Variants in AGBL4 observed in about 807,000 individuals in gnomAD.
The protein encoded by AGBL4 is cytosolic carboxypeptidase 6.
In AGBL4, 58 loss-of-function variants were observed where a neutral mutation model predicts 66.4. That is an observed-to-expected ratio of 0.87 (90% CI 0.71 to 1.09). The LOEUF is 1.09. AGBL4 is among the 50% of genes least tolerant of loss of function. The pLI is 0.00. For synonymous variants in AGBL4, 234 were observed against 222.9 expected, an observed-to-expected ratio of 1.05 and a Z score of -0.44; for missense variants, 579 against 631.0, an observed-to-expected ratio of 0.92 and a Z score of 0.88.
At chr1:49,979,409 C>T (rs1306429105) in intron 1 of AGBL4, among the ~76,000 whole-genome samples, 1 of 150,190 alleles carries the variant, frequency 6.7e-6, no homozygotes, top group Admixed American at 6.6e-5. Flanking sequence ...TGCAGTGAGC[C>T]GAGATTGCGC....
At chr1:48,720,861 T>C (rs567283752) in intron 6 of AGBL4, among the ~76,000 whole-genome samples, 3 of 151,958 alleles carry the variant, frequency 2.0e-5, no homozygotes, top group South Asian at 2.1e-4. Flanking sequence ...TGGAAGAAGA[T>C]TTGGAAAACT....
chr1:48,660,618 G>C (rs890892384), intron 7 of AGBL4, among the ~76,000 whole-genome samples: 2 of 152,196 alleles, frequency 1.3e-5, no homozygotes, highest in Non-Finnish European at 2.9e-5. Flanking sequence ...TTGGTAAAGT[G>C]GGGTAATGAT....
intron 1 of AGBL4, among the ~76,000 whole-genome samples, chr1:49,902,523 C>T (rs1649860447): frequency 6.6e-6 from 1 of 151,930 alleles, no homozygotes; most frequent in Non-Finnish European, 1.5e-5. Context: ...CCAAGATGGG[C>T]AGATCACGAG....
chr1:48,919,323 C>T (rs1352992211), intron 5 of AGBL4, among the ~76,000 whole-genome samples: 2 of 152,132 alleles, frequency 1.3e-5, no homozygotes, highest in Non-Finnish European at 2.9e-5. Flanking sequence ...TTGAAAATCA[C>T]TAATCTATTT....
intron 3 of AGBL4, among the ~76,000 whole-genome samples, chr1:49,553,154 TTCAG>T (rs1471376140): frequency 6.6e-6 from 1 of 152,242 alleles, no homozygotes; most frequent in African/African-American, 2.4e-5. Flanking sequence ...AATTAGAATA[TTCAG>T]TCAGGCAGGC....
chr1:48,548,343 G>A (rs918451677), intron 11 of AGBL4, among the ~76,000 whole-genome samples: 1 of 152,014 alleles, frequency 6.6e-6, no homozygotes, highest in Non-Finnish European at 1.5e-5. Flanking sequence ...GCACCAAAGC[G>A]GAGTTAATCC....
chr1:48,747,741 ATTC>A (rs1264810852), intron 6 of AGBL4, among the ~76,000 whole-genome samples: 13 of 152,138 alleles, frequency 8.5e-5, no homozygotes, highest in Admixed American at 5.2e-4. Flanking sequence ...ACCATTTTCT[ATTC>A]TTGTTGTATC....
At chr1:49,899,972 G>A (rs1320641521) in intron 1 of AGBL4, among the ~76,000 whole-genome samples, 1 of 151,760 alleles carries the variant, frequency 6.6e-6, no homozygotes, top group Non-Finnish European at 1.5e-5. Flanking sequence ...AACCCAGGAG[G>A]CAGAGGTTGT....
chr1:48,737,597 C>T (rs1003544529), intron 6 of AGBL4, among the ~76,000 whole-genome samples: 2 of 152,138 alleles, frequency 1.3e-5, no homozygotes, highest in Admixed American at 1.3e-4. Context: ...AGTTTGATTC[C>T]GACGGCACAA....
At chr1:49,021,336 T>C (rs917778036) in intron 5 of AGBL4, among the ~76,000 whole-genome samples, 1 of 152,184 alleles carries the variant, frequency 6.6e-6, no homozygotes, top group Non-Finnish European at 1.5e-5. Flanking sequence ...GCCTAGCTCA[T>C]GGTGTGCTAT....
intron 5 of AGBL4, among the ~76,000 whole-genome samples, chr1:48,935,289 C>T (rs1018732452): frequency 1.3e-5 from 2 of 152,096 alleles, no homozygotes; most frequent in African/African-American, 4.8e-5. Flanking sequence ...TGCCTGCCAC[C>T]CTACTCACCC....
At chr1:49,679,556 C>T (rs1365316946) in intron 3 of AGBL4, among the ~76,000 whole-genome samples, 1 of 152,062 alleles carries the variant, frequency 6.6e-6, no homozygotes, top group Non-Finnish European at 1.5e-5. Context: ...AGGCCACTTA[C>T]ATTTAATGGA....
At chr1:50,018,273 A>T (rs1305152817) in intron 1 of AGBL4, among the ~76,000 whole-genome samples, 2 of 152,194 alleles carry the variant, frequency 1.3e-5, no homozygotes, top group African/African-American at 4.8e-5. Flanking sequence ...ACATATGACA[A>T]ATAAAAACAT....
intron 3 of AGBL4, among the ~76,000 whole-genome samples, chr1:49,257,118 A>C (rs550453672): frequency 1.9e-4 from 29 of 152,296 alleles, no homozygotes; most frequent in Middle Eastern, 6.8e-3. Flanking sequence ...ACAAAAAAAA[A>C]TACTATGCAA....
chr1:48,907,897 A>C (rs1367615703), intron 5 of AGBL4, among the ~76,000 whole-genome samples: 1 of 152,168 alleles, frequency 6.6e-6, no homozygotes, highest in Non-Finnish European at 1.5e-5. Context: ...TGAGTTTGCC[A>C]GGCCAAGAAA....
At chr1:48,906,420 T>A (rs1339525311) in intron 5 of AGBL4, among the ~76,000 whole-genome samples, 2 of 152,038 alleles carry the variant, frequency 1.3e-5, no homozygotes, top group African/African-American at 4.8e-5. Context: ...GAAAAGTATG[T>A]GAGGGATGGC....
Position 49,880,241 on chromosome 1 carries a change from G to A in AGBL4, c.35-28723C>T, listed in dbSNP as rs1049583567. 3.0e-4 allele frequency among the ~76,000 whole-genome samples: 46 copies of A among 151,984 alleles called. 1 individual carries two copies. The South Asian group carries it at 8.5e-3, about 28-fold the overall frequency. The stretch of plus-strand genomic sequence containing the variant: ...CTTTGGAGGAGGAGAGGCGCTCTGC[G>A]TTTTAGAGTTTCCAGATTTTCTGTT... On this transcript the variant is annotated intron_variant, in intron 1 of 13. Transcript: ENST00000371839.
chr1:49,160,894 C>G (rs796322658), intron 4 of AGBL4, among the ~76,000 whole-genome samples: 1 of 152,108 alleles, frequency 6.6e-6, no homozygotes, highest in African/African-American at 2.4e-5. Flanking sequence ...GGCCAGTGCC[C>G]CTCCCCCCAC....
At chr1:49,759,548 T>C (rs1354252439) in intron 2 of AGBL4, among the ~76,000 whole-genome samples, 9 of 152,196 alleles carry the variant, frequency 5.9e-5, no homozygotes, top group African/African-American at 1.9e-4. Context: ...AGCTAGTTGA[T>C]AATTAAGTAT....
Sources: allele counts gnomAD v4.1 joint callset (sites outside exome capture counted in the v4.1 genomes callset), GRCh38; gene constraint gnomAD v4.1.1; transcripts MANE v1.5; gene names NCBI Gene and HGNC (gene_info 2026-07-23, HGNC 2026-07-21).